GSE1: variants seen among roughly 807,000 people sequenced by gnomAD.
GSE1 encodes genetic suppressor element 1.
Under a neutral mutation model 112.6 loss-of-function variants are expected in GSE1, and 32 were observed. The ratio of observed to expected loss-of-function variants is 0.28; its 90% confidence interval spans 0.21 to 0.38. The LOEUF is 0.38. Among genes scored for constraint, GSE1 ranks in the 10% least tolerant of loss-of-function variants. GSE1 has a pLI of 1.00. For missense variants in GSE1, 2,348 were observed against 1,699.2 expected (o/e 1.38, Z -6.71); for synonymous variants, 1,115 against 735.6 (o/e 1.52, Z -8.35).
chr16:85,395,917 G>A (rs746448477), intron 2 of GSE1, among the ~76,000 whole-genome samples: 2 of 151,938 alleles, frequency 1.3e-5, no homozygotes, highest in East Asian at 1.9e-4. Flanking sequence ...GAGGAGTCCC[G>A]GCGGCCTGAG....
chr16:85,605,929 AAGG>A (rs2047684448), intron 1 of GSE1, among the ~76,000 whole-genome samples: 1 of 152,036 alleles, frequency 6.6e-6, no homozygotes, highest in African/African-American at 2.4e-5. Flanking sequence ...GAAAAGTTGC[AAGG>A]AGGAGACCCT....
chr16:85,231,034 GGATA>G (rs758286306), intron 1 of GSE1, among the ~76,000 whole-genome samples: 33 of 149,790 alleles, frequency 2.2e-4, no homozygotes, highest in African/African-American at 5.4e-4. Context: ...ATGGACAGAA[GGATA>G]GATGGATGGA....
chr16:85,571,103 A>G (rs535839041), intron 1 of GSE1, among the ~76,000 whole-genome samples: 1 of 152,264 alleles, frequency 6.6e-6, no homozygotes, highest in Admixed American at 6.5e-5. Flanking sequence ...GGATCTTGCT[A>G]AAGGGGAGGT....
At chr16:85,212,203 C>T (rs1336941757) in intron 1 of GSE1, among the ~76,000 whole-genome samples, 4 of 152,270 alleles carry the variant, frequency 2.6e-5, no homozygotes, top group South Asian at 2.1e-4. Flanking sequence ...GTCAGGAGAT[C>T]GAGACCAGCC....
At position 85,648,745 on chromosome 16, in the gene GSE1, C is replaced by A. The variant is rs376778699; in HGVS notation, c.420C>A (p.Ser140Arg). 1 of 1,579,138 alleles carries A rather than the reference C, an allele frequency of 6.3e-7. No individual in the cohort carries two copies. The highest frequency in any genetic ancestry group is 1.1e-5 in the South Asian group (1 of 87,558). Residue 140 changes from serine (S) to arginine (R), a missense_variant, in exon 3 of 16, where the codon AGC (serine) becomes AGA (arginine). Transcript: ENST00000253458. ...KTVNGVWRSESRQDAGSRSSS... is the reference protein window; with the variant it reads ...KTVNGVWRSERRQDAGSRSSS... ...TGAATGGTGTCTGGAGGAGTGAGAG[C>A]CGGCAGGTGAGTGGGGCGGGGCAGG... is the stretch of plus-strand genomic sequence containing the variant.
intron 1 of GSE1, among the ~76,000 whole-genome samples, chr16:85,305,108 G>T (rs557178950): frequency 2.4e-4 from 37 of 152,300 alleles, no homozygotes; most frequent in South Asian, 1.2e-3. Flanking sequence ...GTCCTGGTGG[G>T]CTCTGCCCTA....
Position 85,466,911 on chromosome 16 carries a change from T to C in GSE1, c.2464+109268T>C, listed in dbSNP as rs1000959995. 2.0e-5 allele frequency among the ~76,000 whole-genome samples: 3 copies of C among 152,042 alleles called. No individual in the cohort carries two copies. The South Asian group carries it at 6.2e-4, about 31-fold the overall frequency. On this transcript the variant is annotated intron_variant, in intron 2 of 2. Coordinates refer to the GSE1 transcript ENST00000637419. Reference sequence around the variant, plus strand: ...CTCATCTCTACTGAAAATATAAAAATTAGCCAGGCGTGGTGGCAGGCCCCT... The same window carrying C: ...CTCATCTCTACTGAAAATATAAAAACTAGCCAGGCGTGGTGGCAGGCCCCT...
rs1396614383 is a variant in GSE1 at position 85,256,191 on chromosome 16, A to C, written c.2283+84384A>C. On this transcript the variant is annotated intron_variant, in intron 1 of 2. Coordinates refer to the GSE1 transcript ENST00000637419. ...GTTGGAGGCTCTTCCCTCGGCAGGCAGACTCGGACAGCACCGGGGGGTGGA... is the reference window on the plus strand; with the variant it reads ...GTTGGAGGCTCTTCCCTCGGCAGGCCGACTCGGACAGCACCGGGGGGTGGA... Among the ~76,000 whole-genome samples, 4 of 151,742 alleles carry C rather than the reference A, an allele frequency of 2.6e-5. No homozygotes were observed. The East Asian group carries it at 5.8e-4, about 22-fold the overall frequency.
At chr16:85,378,367 G>C (rs1236989086) in intron 2 of GSE1, among the ~76,000 whole-genome samples, 1 of 152,176 alleles carries the variant, frequency 6.6e-6, no homozygotes, top group Non-Finnish European at 1.5e-5. Flanking sequence ...TCCTCTCTGT[G>C]CCAGGAGGCA....
At chr16:85,287,572 C>T (rs1398301550) in intron 1 of GSE1, among the ~76,000 whole-genome samples, 1 of 152,138 alleles carries the variant, frequency 6.6e-6, no homozygotes, top group African/African-American at 2.4e-5. Flanking sequence ...CCCCCTCTGC[C>T]TGGAATGCTT....
intron 1 of GSE1, among the ~76,000 whole-genome samples, chr16:85,350,925 G>A (rs1050121422): frequency 7.2e-5 from 11 of 152,156 alleles, no homozygotes; most frequent in African/African-American, 1.7e-4. Flanking sequence ...GATTACAGGC[G>A]CCCACTACCG....
intron 2 of GSE1, among the ~76,000 whole-genome samples, chr16:85,481,880 A>C (rs1026518144): frequency 6.6e-6 from 1 of 152,238 alleles, no homozygotes; most frequent in African/African-American, 2.4e-5. Flanking sequence ...CAGAGGTGGC[A>C]GAGCTGGGGT....
chr16:85,545,494 A>G (rs1387109650), intron 2 of GSE1, among the ~76,000 whole-genome samples: 1 of 152,018 alleles, frequency 6.6e-6, no homozygotes, highest in Non-Finnish European at 1.5e-5. Context: ...CAGAGAGATG[A>G]GAGAGTTGAA....
intron 2 of GSE1, among the ~76,000 whole-genome samples, chr16:85,531,948 G>A (rs1443797607): frequency 1.3e-5 from 2 of 152,178 alleles, no homozygotes; most frequent in African/African-American, 4.8e-5. Context: ...TCCCCAGGGA[G>A]CTGATGGAGA....
chr16:85,641,117 A>AT (rs546157175), intron 2 of GSE1, among the ~76,000 whole-genome samples: 11 of 152,206 alleles, frequency 7.2e-5, no homozygotes, highest in East Asian at 1.9e-4. Context: ...CATAAGGGTG[A>AT]TTTTTTTCCG....
At chr16:85,581,671 C>T (rs1023958692) in intron 1 of GSE1, among the ~76,000 whole-genome samples, 3 of 152,120 alleles carry the variant, frequency 2.0e-5, no homozygotes, top group Non-Finnish European at 4.4e-5. Context: ...TCCAGCAATC[C>T]GGCCGTCCTA....
chr16:85,453,486 G>A (rs565951528), intron 2 of GSE1, among the ~76,000 whole-genome samples: 3 of 152,250 alleles, frequency 2.0e-5, no homozygotes, highest in African/African-American at 7.2e-5. Flanking sequence ...CCCAGCTTAG[G>A]TGTGAGGGCA....
At chr16:85,270,647 C>T (rs145340103) in intron 1 of GSE1, among the ~76,000 whole-genome samples, 5 of 149,028 alleles carry the variant, frequency 3.4e-5, no homozygotes, top group African/African-American at 1.2e-4. Context: ...TGTTAATGCT[C>T]TGTCCTGCGT....
At chr16:85,395,149 C>T (rs2151654922) in intron 2 of GSE1, among the ~76,000 whole-genome samples, 1 of 152,206 alleles carries the variant, frequency 6.6e-6, no homozygotes, top group East Asian at 1.9e-4. Flanking sequence ...TGGTCTGGGG[C>T]AAGCTGGGGT....
Sources: gnomAD v4.1 joint callset for allele counts (sites outside exome capture counted in the v4.1 genomes callset) on GRCh38, gnomAD v4.1.1 for gene constraint, MANE v1.5 for transcripts, NCBI Gene and HGNC (gene_info 2026-07-23, HGNC 2026-07-21) for gene names.